The following ATP2B2 variants were observed in gnomAD, a reference collection of about 807,000 sequenced individuals.
The protein encoded by ATP2B2 is plasma membrane calcium-transporting ATPase 2.
A neutral mutation model predicts 120.0 loss-of-function variants in ATP2B2; 15 were observed. The observed-to-expected ratio is 0.12, with a 90% confidence interval of 0.08 to 0.19. The LOEUF (loss-of-function observed/expected upper bound fraction) is 0.19. Ranked by LOEUF, ATP2B2 falls within the 10% of genes least tolerant of loss-of-function variation. ATP2B2 has a pLI of 1.00. For missense variants in ATP2B2, 1,045 were observed against 1,719.8 expected, an observed-to-expected ratio of 0.61 and a Z score of 6.94; for synonymous variants, 694 against 700.3, an observed-to-expected ratio of 0.99 and a Z score of 0.14.
chr3:10,404,125 C>T (rs766718756), intron 3 of ATP2B2, among the ~76,000 whole-genome samples: 7 of 152,198 alleles, frequency 4.6e-5, no homozygotes, highest in Non-Finnish European at 1.0e-4. Flanking sequence ...CACTGTGGCC[C>T]AGCTGCATGC....
At chr3:10,338,594 G>A in intron 21 of ATP2B2, 2 of 521,698 alleles carry the variant, frequency 3.8e-6, no homozygotes, top group South Asian at 4.2e-5. Flanking sequence ...AGTGCAATTT[G>A]CTTTTTAATT....
At chr3:10,451,993 T>C (rs2064072049) in intron 1 of ATP2B2, among the ~76,000 whole-genome samples, 1 of 152,272 alleles carries the variant, frequency 6.6e-6, no homozygotes, top group Admixed American at 6.5e-5. Context: ...ACTTGGCTCC[T>C]TGTAGCTACC....
At chr3:10,529,014 CACTG>C (rs2067156173) in intron 3 of ATP2B2, among the ~76,000 whole-genome samples, 1 of 152,194 alleles carries the variant, frequency 6.6e-6, no homozygotes, top group Non-Finnish European at 1.5e-5. Context: ...GGGGGTCCAG[CACTG>C]ACCCCCCACC....
chr3:10,390,850 C>A (rs929947214), intron 5 of ATP2B2, among the ~76,000 whole-genome samples: 3 of 152,132 alleles, frequency 2.0e-5, no homozygotes, highest in Non-Finnish European at 2.9e-5. Flanking sequence ...CACAGGCAGA[C>A]CCTGGAGCAC....
chr3:10,649,010 C>A (rs2070387081), intron 1 of ATP2B2, among the ~76,000 whole-genome samples: 1 of 152,238 alleles, frequency 6.6e-6, no homozygotes, highest in African/African-American at 2.4e-5. Flanking sequence ...TGGCCTCCAG[C>A]CATTTTCAGA....
intron 2 of ATP2B2, among the ~76,000 whole-genome samples, chr3:10,573,820 T>G (rs961341960): frequency 6.6e-6 from 1 of 152,154 alleles, no homozygotes; most frequent in African/African-American, 2.4e-5. Flanking sequence ...CTGACTAAAC[T>G]CATCTAAAAA....
At chr3:10,508,486 C>A (rs571959090), upstream of ATP2B2, among the ~76,000 whole-genome samples, 45 of 152,332 alleles carry the variant, frequency 3.0e-4, no homozygotes, top group Non-Finnish European at 4.8e-4. Context: ...TTAGATGGTG[C>A]AGTAAAGGCT....
intron 1 of ATP2B2, among the ~76,000 whole-genome samples, chr3:10,685,910 T>A (rs2071507595): frequency 6.6e-6 from 1 of 152,214 alleles, no homozygotes; most frequent in Non-Finnish European, 1.5e-5. Context: ...GTGACCACCT[T>A]CAATCAAATG....
At chr3:10,626,379 G>C (rs996766265) in intron 1 of ATP2B2, 3 of 152,274 alleles carry the variant, frequency 2.0e-5, no homozygotes, top group Non-Finnish European at 4.4e-5. Flanking sequence ...TGGGCTCATA[G>C]ATCTGCTGCT....
chr3:10,536,399 CTCT>C (rs141039670), intron 2 of ATP2B2, among the ~76,000 whole-genome samples: 6,062 of 149,450 alleles, frequency 0.041, 316 homozygotes, highest in African/African-American at 0.12. Flanking sequence ...ATTTGCTTTC[CTCT>C]TCTTCTTCTT....
At chr3:10,589,210 C>T (rs1206966907) in intron 2 of ATP2B2, among the ~76,000 whole-genome samples, 1 of 152,200 alleles carries the variant, frequency 6.6e-6, no homozygotes, top group Admixed American at 6.5e-5. Context: ...CCCATCCCCA[C>T]TCTAGGGGAT....
Position 10,419,516 on chromosome 3 carries a change from C to T in ATP2B2, c.200-8701G>A, listed in dbSNP as rs559747228. Reference sequence around the variant, plus strand: ...TAGCTTGTGTCACAGAACACCACCACAGCCATAACATGCCCCTACCTAGAT... The same window carrying T: ...TAGCTTGTGTCACAGAACACCACCATAGCCATAACATGCCCCTACCTAGAT... On this transcript the variant is annotated intron_variant, in intron 2 of 22. Coordinates refer to ENST00000360273, the MANE Select transcript of ATP2B2 (RefSeq NM_001001331.4). Among the ~76,000 whole-genome samples, 3 of 152,356 alleles carry T rather than the reference C, an allele frequency of 2.0e-5. No homozygotes were observed. The South Asian group carries it at 6.2e-4, about 32-fold the overall frequency.
intron 1 of ATP2B2, among the ~76,000 whole-genome samples, chr3:10,460,776 A>G (rs2064455164): frequency 6.6e-6 from 1 of 152,204 alleles, no homozygotes; most frequent in African/African-American, 2.4e-5. Context: ...AAATTCCACC[A>G]TTAGTGATTC....
chr3:10,388,115 C>T (rs971321944), intron 6 of ATP2B2, 162 bp downstream of exon 6: 38 of 988,654 alleles, frequency 3.8e-5, no homozygotes, highest in Admixed American at 3.2e-4. Flanking sequence ...CAGACAGAGC[C>T]TACCTGGCCC....
At chr3:10,369,145 G>A (rs2061154886) in intron 12 of ATP2B2, among the ~76,000 whole-genome samples, 1 of 152,234 alleles carries the variant, frequency 6.6e-6, no homozygotes, top group Admixed American at 6.5e-5. Flanking sequence ...TGAAGCTGGT[G>A]GACATTGCAT....
intron 12 of ATP2B2, among the ~76,000 whole-genome samples, chr3:10,369,669 T>C (rs528793125): frequency 6.6e-6 from 1 of 152,328 alleles, no homozygotes; most frequent in South Asian, 2.1e-4. Flanking sequence ...CCGAGCACTT[T>C]CCATTAACTA....
At chr3:10,379,161 GTC>G in intron 9 of ATP2B2, 80 bp downstream of exon 9, 1 of 1,497,772 alleles carries the variant, frequency 6.7e-7, no homozygotes, top group Non-Finnish European at 9.2e-7. Flanking sequence ...GCCCTTGCCA[GTC>G]TCTGTCTCTG....
chr3:10,651,538 T>A (rs2070462579), intron 1 of ATP2B2, among the ~76,000 whole-genome samples: 1 of 152,178 alleles, frequency 6.6e-6, no homozygotes, highest in East Asian at 1.9e-4. Context: ...GTCCAATAAA[T>A]CTCCTCCTTT....
chr3:10,624,983 G>C (rs1333498493), intron 1 of ATP2B2, among the ~76,000 whole-genome samples: 3 of 152,208 alleles, frequency 2.0e-5, no homozygotes, highest in East Asian at 3.8e-4. Context: ...GGGCCTTTCT[G>C]TGTCCTTAAC....
Sources: gnomAD v4.1 joint callset for allele counts (sites outside exome capture counted in the v4.1 genomes callset) on GRCh38, gnomAD v4.1.1 for gene constraint, MANE v1.5 for transcripts, NCBI Gene and HGNC (gene_info 2026-07-23, HGNC 2026-07-21) for gene names.